RGS17: variants seen among roughly 807,000 people sequenced by gnomAD.
RGS17 encodes regulator of G-protein signaling 17.
A neutral mutation model predicts 25.5 loss-of-function variants in RGS17; 12 were observed. The observed-to-expected ratio is 0.47, with a 90% CI of 0.30 to 0.76. The LOEUF is 0.76. Among genes scored for constraint, RGS17 ranks in the 30% least tolerant of loss-of-function variants. The probability of loss-of-function intolerance (pLI) is 0.07; values close to 1 mark genes in which losing one functional copy is unlikely to be tolerated. For missense variants in RGS17, 196 were observed against 242.2 expected (o/e 0.81, Z 1.27); for synonymous variants, 71 against 76.9 (o/e 0.92, Z 0.40).
At chr6:153,116,106 C>T (rs1383274846) in intron 1 of RGS17, among the ~76,000 whole-genome samples, 1 of 151,988 alleles carries the variant, frequency 6.6e-6, no homozygotes, top group Non-Finnish European at 1.5e-5. Flanking sequence ...TTCTGCACAG[C>T]AAAAAAACTA....
chr6:153,046,880 C>A (rs574585931), intron 1 of RGS17, among the ~76,000 whole-genome samples: 1 of 152,184 alleles, frequency 6.6e-6, no homozygotes, highest in African/African-American at 2.4e-5. Flanking sequence ...CAAAGCCTCA[C>A]ATAAAGGAGT....
intron 1 of RGS17, among the ~76,000 whole-genome samples, chr6:153,074,493 C>T (rs1776848993): frequency 6.6e-6 from 1 of 152,178 alleles, no homozygotes; most frequent in Non-Finnish European, 1.5e-5. Context: ...AGCTTCCTCA[C>T]TACAAAACTC....
At position 153,026,871 on chromosome 6, in the gene RGS17, T is replaced by TAC. The variant is rs554578683; in HGVS notation, c.120-330_120-329dup. Among the ~76,000 whole-genome samples the TAC allele has an allele frequency of 5.9e-5, 9 of 151,848 alleles. No homozygotes were observed. The South Asian group carries it at 6.2e-4, about 11-fold the overall frequency. ...CCTTAATATTATATATATATGTATA[T>TAC]ACACACACACACATATGATTACCTT... On this transcript the variant is annotated intron_variant, in intron 2 of 4. Coordinates refer to ENST00000206262, the MANE Select transcript of RGS17 (RefSeq NM_012419.5).
chr6:153,100,312 T>C (rs946979290), intron 1 of RGS17, among the ~76,000 whole-genome samples: 8 of 152,240 alleles, frequency 5.3e-5, no homozygotes, highest in African/African-American at 1.9e-4. Context: ...ATAGTTTATC[T>C]GTTCTTTCTT....
At chr6:153,063,933 C>G (rs943438001) in intron 1 of RGS17, among the ~76,000 whole-genome samples, 1 of 149,802 alleles carries the variant, frequency 6.7e-6, no homozygotes, top group African/African-American at 2.5e-5. Context: ...GAGAGAGTGG[C>G]ATAACATATG....
chr6:153,038,111 G>GT (rs1554236828), intron 2 of RGS17, among the ~76,000 whole-genome samples: 1 of 152,168 alleles, frequency 6.6e-6, no homozygotes, highest in African/African-American at 2.4e-5. Context: ...TGAAATTTGA[G>GT]TTTTTTGTCC....
intron 2 of RGS17, among the ~76,000 whole-genome samples, chr6:153,035,573 T>A (rs949508271): frequency 1.3e-5 from 2 of 152,224 alleles, no homozygotes; most frequent in African/African-American, 2.4e-5. Flanking sequence ...AACACAACTA[T>A]GAAATTTTAT....
intron 1 of RGS17, among the ~76,000 whole-genome samples, chr6:153,060,047 A>G (rs1363637708): frequency 6.6e-6 from 1 of 152,182 alleles, no homozygotes; most frequent in African/African-American, 2.4e-5. Context: ...ACTGAGACCT[A>G]GGAAGCACTG....
intron 3 of RGS17, 96 bp from the exon 4 acceptor site, chr6:153,024,592 T>G: frequency 1.1e-6 from 1 of 907,344 alleles, no homozygotes; most frequent in Non-Finnish European, 1.7e-6. Context: ...TTCTATCAAT[T>G]TGCTGCCATC....
At chr6:153,105,864 G>T (rs1047891099) in intron 1 of RGS17, among the ~76,000 whole-genome samples, 3 of 152,190 alleles carry the variant, frequency 2.0e-5, no homozygotes, top group Non-Finnish European at 4.4e-5. Context: ...CATTCTGTAG[G>T]TAATGGGGAG....
chr6:153,066,162 T>C (rs1584141475), intron 1 of RGS17, among the ~76,000 whole-genome samples: 1 of 152,286 alleles, frequency 6.6e-6, no homozygotes, highest in East Asian at 1.9e-4. Context: ...CGTGTACTGA[T>C]AAATTGGAAA....
intron 2 of RGS17, among the ~76,000 whole-genome samples, chr6:153,036,566 T>C (rs901427410): frequency 6.6e-6 from 1 of 152,200 alleles, no homozygotes; most frequent in Non-Finnish European, 1.5e-5. Flanking sequence ...CACGCTTGTC[T>C]TGCAAGCTTC....
chr6:153,107,824 A>G (rs575280838), intron 1 of RGS17, among the ~76,000 whole-genome samples: 31 of 152,228 alleles, frequency 2.0e-4, no homozygotes, highest in Non-Finnish European at 2.9e-4. Context: ...CCTGGAATAC[A>G]TTCAGATTCT....
At chr6:153,022,985 C>A (rs758025787) in intron 4 of RGS17, among the ~76,000 whole-genome samples, 5 of 152,086 alleles carry the variant, frequency 3.3e-5, no homozygotes, top group Non-Finnish European at 7.4e-5. Flanking sequence ...AAAAATAAAT[C>A]AATCCTTTGT....
Position 153,082,417 on chromosome 6 carries a change from G to C in RGS17, c.-25-38374C>G, listed in dbSNP as rs559582946. On this transcript the variant is annotated intron_variant, in intron 1 of 4. Transcript: ENST00000206262. ...ATTTTTTTTCCTCTCTGTGTCTTAA[G>C]CTGGATAAATTCTATCACTAAATCT... Among the ~76,000 whole-genome samples the C allele has an allele frequency of 2.0e-5, 3 of 152,130 alleles. No individual in the cohort carries two copies. In the East Asian group the frequency reaches 5.8e-4, roughly 29 times the overall value.
chr6:153,054,023 T>C (rs1562321470), intron 1 of RGS17, among the ~76,000 whole-genome samples: 6,187 of 51,384 alleles, frequency 0.12, 1,339 homozygotes, highest in African/African-American at 0.21. Context: ...TATATGTATA[T>C]AATATATATA....
intron 1 of RGS17, among the ~76,000 whole-genome samples, chr6:153,077,759 T>C (rs1339346251): frequency 1.3e-5 from 2 of 152,162 alleles, no homozygotes; most frequent in East Asian, 1.9e-4. Flanking sequence ...TGAAATTAAA[T>C]TTATTAATTT....
At chr6:153,107,932 G>A (rs144044233) in intron 1 of RGS17, among the ~76,000 whole-genome samples, 397 of 152,168 alleles carry the variant, frequency 2.6e-3, no homozygotes, top group Non-Finnish European at 3.6e-3. Context: ...AAAGCCATCC[G>A]TTATTGTGTA....
intron 1 of RGS17, among the ~76,000 whole-genome samples, chr6:153,101,232 G>C (rs182617982): frequency 3.3e-5 from 5 of 152,294 alleles, no homozygotes; most frequent in Admixed American, 2.6e-4. Context: ...TTTGAACTGC[G>C]GAGTCCACTT....
Sources: gnomAD v4.1 joint callset for allele counts (sites outside exome capture counted in the v4.1 genomes callset) on GRCh38, gnomAD v4.1.1 for gene constraint, MANE v1.5 for transcripts, NCBI Gene and HGNC (gene_info 2026-07-23, HGNC 2026-07-21) for gene names.